Variants in MAP3K5 observed in about 807,000 individuals in gnomAD.
The protein encoded by MAP3K5 is mitogen-activated protein kinase kinase kinase 5, also known as ASK-1.
In MAP3K5, 56 loss-of-function variants were observed where a neutral mutation model predicts 158.7. That is an observed-to-expected ratio of 0.35 (90% CI 0.28 to 0.44). MAP3K5 has a LOEUF of 0.44. Among genes scored for constraint, MAP3K5 ranks in the 20% least tolerant of loss-of-function variants. The probability of loss-of-function intolerance (pLI) is 1.00; values close to 1 mark genes in which losing one functional copy is unlikely to be tolerated. For synonymous variants in MAP3K5, 579 were observed against 601.7 expected, an observed-to-expected ratio of 0.96 and a Z score of 0.55; for missense variants, 1,294 against 1,674.8, an observed-to-expected ratio of 0.77 and a Z score of 3.97.
chr6:136,676,361 A>G (rs1360289064), intron 7 of MAP3K5, among the ~76,000 whole-genome samples: 1 of 152,232 alleles, frequency 6.6e-6, no homozygotes, highest in African/African-American at 2.4e-5. Flanking sequence ...TCAGTGATCT[A>G]AACTCTGATC....
rs35303108 is a variant in MAP3K5 at position 136,637,660 on chromosome 6, GTT to G, written c.1935-256_1935-255del. Among the ~76,000 whole-genome samples the G allele has an allele frequency of 3.2e-4, 48 of 149,124 alleles. 1 individual carries two copies. The highest frequency in any genetic ancestry group is 1.9e-3 in the Admixed American group (29 of 14,954). On this transcript the variant is annotated intron_variant, in intron 13 of 29. Transcript: ENST00000359015. ...TTTCTTCAGGAACTCTTCTTGTAAA[GTT>G]TTTTTTTTTTCTTCTAGAGACCATT...
chr6:136,566,115 C>T (rs748731931), intron 26 of MAP3K5, among the ~76,000 whole-genome samples: 2 of 151,336 alleles, frequency 1.3e-5, no homozygotes, highest in South Asian at 2.1e-4. Flanking sequence ...CTGCAGATGG[C>T]CCAAGCATGG....
intron 19 of MAP3K5, among the ~76,000 whole-genome samples, chr6:136,602,548 C>T (rs1384744353): frequency 6.6e-6 from 1 of 152,162 alleles, no homozygotes; most frequent in Non-Finnish European, 1.5e-5. Context: ...AAGCAATCCA[C>T]CCACCTCAGC....
At chr6:136,761,171 T>C (rs1195963455) in intron 1 of MAP3K5, among the ~76,000 whole-genome samples, 5 of 151,838 alleles carry the variant, frequency 3.3e-5, no homozygotes, top group East Asian at 1.9e-4. Flanking sequence ...GATGTTTATA[T>C]GCCACCTCGC....
Position 136,613,125 on chromosome 6 carries a change from T to C in MAP3K5, c.2410A>G (p.Ile804Val). ...LHDNQIVHRD[I>V]KGDNVLINTY... ...TGAATGCTGGTGTACCTCACCTTTA[T>C]GTCCCGGTGAACTATCTGATTGTCA... Residue 804 changes from isoleucine (I) to valine (V), a missense_variant, in exon 17 of 30, where the codon ATA (isoleucine) becomes GTA (valine). Ile to Val is a conservative substitution (Grantham distance 29). Around this residue, in one of 5 missense-constraint regions of MAP3K5, gnomAD observed 362 missense variants for 463.2 expected, o/e 0.78. Transcript: ENST00000359015. This position sits in a 1 kb window ranked among gnomAD's most constrained non-coding sequence, Gnocchi z 4.0. 1.2e-6 allele frequency: 2 copies of C among 1,604,950 alleles called. No homozygotes were observed. The highest frequency in any genetic ancestry group is 1.7e-6 in the Non-Finnish European group (2 of 1,176,518).
chr6:136,767,507 C>T (rs1784014115), intron 1 of MAP3K5, among the ~76,000 whole-genome samples: 1 of 151,880 alleles, frequency 6.6e-6, no homozygotes, highest in African/African-American at 2.4e-5. Flanking sequence ...CTGCAATCTA[C>T]AATTCACTGA....
chr6:136,760,676 T>C (rs1391203412), intron 1 of MAP3K5, among the ~76,000 whole-genome samples: 1 of 152,140 alleles, frequency 6.6e-6, no homozygotes, highest in African/African-American at 2.4e-5. Context: ...AGTGCCCTTA[T>C]AAAACACTCC....
chr6:136,783,938 C>G (rs982554992), intron 1 of MAP3K5, among the ~76,000 whole-genome samples: 1 of 152,156 alleles, frequency 6.6e-6, no homozygotes, highest in Non-Finnish European at 1.5e-5. Context: ...AAGTGTGAAC[C>G]AATTTTATCC....
chr6:136,776,401 C>A (rs931462644), intron 1 of MAP3K5, among the ~76,000 whole-genome samples: 2 of 152,120 alleles, frequency 1.3e-5, no homozygotes, highest in Non-Finnish European at 2.9e-5. Flanking sequence ...TGTACCACCA[C>A]AACCAGCAAA....
In MAP3K5 at chr6:136,675,594, T is replaced by C. The variant is rs569696265; in HGVS notation, c.1254-6199A>G. ...ACTGAACAATATATATATGTTGTTA[T>C]ATATAAGGTAATGAAAGTCTAATAG... is the stretch of plus-strand genomic sequence containing the variant. On this transcript the variant is annotated intron_variant, in intron 7 of 29. Transcript: ENST00000359015. 4.7e-4 allele frequency among the ~76,000 whole-genome samples: 72 copies of C among 152,200 alleles called. 1 individual carries two copies. The South Asian group carries it at 0.014, about 29-fold the overall frequency.
rs756234629 is a variant in MAP3K5 at position 136,611,278 on chromosome 6, A to T, written c.2521+4T>A. On this transcript the variant is annotated splice_donor_region_variant and intron_variant, in intron 18 of 29. Coordinates refer to ENST00000359015, the MANE Select transcript of MAP3K5 (RefSeq NM_005923.4). ...AGATCTGTATCATCATTGCAAAAAC[A>T]TACCAGTAAAAGTTTCAGTACAGGG... 6.3e-7 allele frequency: 1 copy of T among 1,584,518 alleles called. No homozygotes were observed. Among genetic ancestry groups the T allele is most frequent in the African/African-American group, 1.3e-5 (1 of 74,384 alleles).
intron 10 of MAP3K5, among the ~76,000 whole-genome samples, chr6:136,652,495 T>A (rs1778563257): frequency 6.6e-6 from 1 of 152,046 alleles, no homozygotes. Context: ...ATAATGAAAA[T>A]CATTTTCCCA....
intron 25 of MAP3K5, among the ~76,000 whole-genome samples, chr6:136,573,585 C>T (rs562344732): frequency 3.3e-5 from 5 of 152,306 alleles, no homozygotes; most frequent in Admixed American, 1.3e-4. Flanking sequence ...GTAGTTTACT[C>T]ACTCACTAAG....
At chr6:136,639,260 T>C (rs1777801515) in intron 13 of MAP3K5, among the ~76,000 whole-genome samples, 2 of 152,178 alleles carry the variant, frequency 1.3e-5, no homozygotes. Flanking sequence ...AAGTGAGCAC[T>C]TAAAATATGA....
intron 5 of MAP3K5, among the ~76,000 whole-genome samples, chr6:136,696,966 A>C (rs1042703776): frequency 1.3e-5 from 2 of 152,146 alleles, no homozygotes; most frequent in African/African-American, 4.8e-5. Flanking sequence ...GTGCCAGCAG[A>C]TTTTTCTTTT....
chr6:136,620,360 C>T (rs1444028310), intron 15 of MAP3K5, among the ~76,000 whole-genome samples: 1 of 152,150 alleles, frequency 6.6e-6, no homozygotes, highest in Admixed American at 6.5e-5. Context: ...CTTTGTACTC[C>T]AAACCTAAGC....
At chr6:136,653,838 A>C (rs971579983) in intron 10 of MAP3K5, among the ~76,000 whole-genome samples, 1 of 152,180 alleles carries the variant, frequency 6.6e-6, no homozygotes, top group African/African-American at 2.4e-5. Flanking sequence ...GTTGTAGGAA[A>C]ACTCAAGAAG....
chr6:136,781,166 C>T (rs1784598615), intron 1 of MAP3K5, among the ~76,000 whole-genome samples: 1 of 152,194 alleles, frequency 6.6e-6, no homozygotes, highest in Non-Finnish European at 1.5e-5. Flanking sequence ...CTGGATCATT[C>T]TAGAGAAAGG....
chr6:136,729,839 C>T (rs913379363), intron 1 of MAP3K5, among the ~76,000 whole-genome samples: 1 of 152,196 alleles, frequency 6.6e-6, no homozygotes, highest in African/African-American at 2.4e-5. Flanking sequence ...CTAACACAGA[C>T]AACATGTGGG....
Sources: allele counts gnomAD v4.1 joint callset (sites outside exome capture counted in the v4.1 genomes callset), GRCh38; gene constraint gnomAD v4.1.1; regional missense constraint gnomAD v4.1.1; non-coding constraint Gnocchi (gnomAD v3.1); transcripts MANE v1.5; gene names NCBI Gene and HGNC (gene_info 2026-07-23, HGNC 2026-07-21).